KIFAP3: variants seen among roughly 807,000 people sequenced by gnomAD.
KIFAP3 encodes kinesin-associated protein 3.
In KIFAP3, 68 loss-of-function variants were observed where a neutral mutation model predicts 106.5. The ratio of observed to expected loss-of-function variants is 0.64; its 90% CI spans 0.53 to 0.78. The LOEUF (loss-of-function observed/expected upper bound fraction) is 0.78, where lower values mean the gene tolerates loss of function less well. Among genes scored for constraint, KIFAP3 ranks in the 30% least tolerant of loss-of-function variants. The pLI is 0.00. For synonymous variants in KIFAP3, 320 were observed against 311.5 expected (o/e 1.03, Z -0.29); for missense variants, 780 against 941.8 (o/e 0.83, Z 2.25).
intron 16 of KIFAP3, among the ~76,000 whole-genome samples, chr1:169,976,399 G>A (rs1396316836): frequency 6.6e-6 from 1 of 151,580 alleles, no homozygotes; most frequent in African/African-American, 2.4e-5. Context: ...TTAACTCAGT[G>A]TTTCCCAAAC....
chr1:169,985,105 A>C (rs889287408), intron 11 of KIFAP3, among the ~76,000 whole-genome samples: 1 of 151,822 alleles, frequency 6.6e-6, no homozygotes, highest in Admixed American at 6.6e-5. Context: ...CAACAGTTTT[A>C]AGAGATAAGA....
intron 4 of KIFAP3, 144 bp downstream of exon 4, chr1:170,039,089 T>C (rs906021207): frequency 8.7e-6 from 4 of 462,044 alleles, no homozygotes; most frequent in Admixed American, 7.6e-5. Context: ...TAAATAATGA[T>C]TTTCTACCTT....
chr1:170,038,393 A>G lies in KIFAP3; in HGVS notation c.414T>C (p.Tyr138=), dbSNP rs2102061473. 1 of 1,608,046 alleles carries G rather than the reference A, an allele frequency of 6.2e-7. No individual in the cohort carries two copies. Among genetic ancestry groups the G allele is most frequent in the Admixed American group, 1.7e-5 (1 of 58,084 alleles). ...GAATATCTTCATATAATAACTCAAT[A>G]TATTCATCCATGTCATTAATGTTAG... is the stretch of plus-strand genomic sequence containing the variant. ...EVANINDMDE[Y]IELLYEDIPD... is the part of the protein sequence containing the mutation. Residue 138 remains tyrosine, a synonymous_variant, in exon 5 of 20, where the codon TAT becomes TAC. Coordinates refer to ENST00000361580, the MANE Select transcript of KIFAP3 (RefSeq NM_014970.4).
intron 8 of KIFAP3, among the ~76,000 whole-genome samples, chr1:170,025,644 A>C (rs1218596879): frequency 1.3e-5 from 2 of 152,180 alleles, no homozygotes; most frequent in Admixed American, 1.3e-4. Context: ...TATTATAAAA[A>C]TTTTACAGAT....
At chr1:170,041,566 C>T (rs1051765978) in intron 3 of KIFAP3, 14 of 730,238 alleles carry the variant, frequency 1.9e-5, no homozygotes, top group Admixed American at 4.8e-5. Flanking sequence ...GCCTGTGGCT[C>T]GGTGACCTCT....
intron 10 of KIFAP3, among the ~76,000 whole-genome samples, chr1:170,004,254 T>G (rs1667822502): frequency 6.6e-6 from 1 of 152,098 alleles, no homozygotes; most frequent in African/African-American, 2.4e-5. Flanking sequence ...GTAGGAAGAA[T>G]AAATATTGTG....
Position 169,984,574 on chromosome 1 carries a change from G to A in KIFAP3, c.1393+8C>T, listed in dbSNP as rs779617554. The A allele has an allele frequency of 3.1e-5, 46 of 1,471,054 alleles. No homozygotes were observed. In the East Asian group the frequency reaches 4.3e-4, roughly 14 times the overall value. 91.1% of individuals were successfully genotyped at this position (1,471,054 alleles called of 1,614,324 possible). On this transcript the variant is annotated splice_region_variant and intron_variant, in intron 12 of 19. Coordinates refer to ENST00000361580, the MANE Select transcript of KIFAP3 (RefSeq NM_014970.4). ...CTAAAAAAGTTACCTACACTCAAAG[G>A]CACTGACCTTCACAGATAAGCTGTA... is the stretch of plus-strand genomic sequence containing the variant.
At chr1:170,082,278 T>G (rs1425216881) in intron 1 of KIFAP3, among the ~76,000 whole-genome samples, 1 of 152,184 alleles carries the variant, frequency 6.6e-6, no homozygotes, top group African/African-American at 2.4e-5. Context: ...TACTGATATA[T>G]GCAACATAAA....
At chr1:169,989,976 G>A (rs1471199272) in intron 11 of KIFAP3, 2 of 1,394,354 alleles carry the variant, frequency 1.4e-6, no homozygotes, top group Admixed American at 5.6e-5. Flanking sequence ...TAGGAGTCAA[G>A]AGGAATTACC....
At chr1:170,066,177 C>T (rs1412484502) in intron 1 of KIFAP3, among the ~76,000 whole-genome samples, 8 of 434 alleles carry the variant, frequency 0.018, no homozygotes, top group Admixed American at 0.12. Context: ...TTGCCTACAC[C>T]CCCCCCCCCA....
chr1:170,080,388 A>T (rs868416634), intron 1 of KIFAP3, among the ~76,000 whole-genome samples: 4 of 151,566 alleles, frequency 2.6e-5, no homozygotes, highest in Middle Eastern at 3.4e-3. Flanking sequence ...AATACTAGCA[A>T]TTTTTTTTTA....
chr1:170,024,329 AG>A, intron 9 of KIFAP3, 88 bp downstream of exon 9: 1 of 715,520 alleles, frequency 1.4e-6, no homozygotes, highest in South Asian at 2.4e-5. Flanking sequence ...TTATCTCGGT[AG>A]GGGAATAAAG....
rs950782329 is a variant in KIFAP3 at position 169,975,553 on chromosome 1, C to T, written c.1897+2532G>A. ...CATTGTAACATGACAGATTTAAATGCCATTGACATCAACAAAAATTCTGTT... is the reference window on the plus strand; with the variant it reads ...CATTGTAACATGACAGATTTAAATGTCATTGACATCAACAAAAATTCTGTT... On this transcript the variant is annotated intron_variant, in intron 16 of 19. Coordinates refer to ENST00000361580, the MANE Select transcript of KIFAP3 (RefSeq NM_014970.4). Among the ~76,000 whole-genome samples the T allele has an allele frequency of 1.1e-4, 17 of 152,046 alleles. No homozygotes were observed. In the Middle Eastern group the frequency reaches 0.01, roughly 91 times the overall value.
chr1:169,959,937 G>A (rs1240899413), intron 18 of KIFAP3, among the ~76,000 whole-genome samples: 2 of 152,140 alleles, frequency 1.3e-5, no homozygotes, highest in African/African-American at 2.4e-5. Flanking sequence ...CTTAACTACT[G>A]TAAAGTTCAG....
At chr1:169,972,236 C>T (rs913085768) in intron 17 of KIFAP3, among the ~76,000 whole-genome samples, 1 of 151,850 alleles carries the variant, frequency 6.6e-6, no homozygotes, top group Non-Finnish European at 1.5e-5. Context: ...CACTCCTATA[C>T]AATAATTTAT....
intron 10 of KIFAP3, among the ~76,000 whole-genome samples, chr1:170,008,508 CAT>C (rs1448953353): frequency 1.3e-5 from 2 of 151,768 alleles, no homozygotes; most frequent in Non-Finnish European, 2.9e-5. Flanking sequence ...AGCCAACAAA[CAT>C]ATGAAAAAAA....
chr1:169,965,370 T>A (rs1375460606), intron 17 of KIFAP3, among the ~76,000 whole-genome samples: 1 of 58,186 alleles, frequency 1.7e-5, no homozygotes, highest in Non-Finnish European at 3.1e-5. Flanking sequence ...TCAAGCATAT[T>A]CATTCCTGGT....
At position 170,025,903 on chromosome 1, in the gene KIFAP3, A is replaced by G. The variant is rs867100382; in HGVS notation, c.842-1307T>C. On this transcript the variant is annotated intron_variant, in intron 8 of 19. Coordinates refer to ENST00000361580, the MANE Select transcript of KIFAP3 (RefSeq NM_014970.4). ...TACTGTCCTTCTAAAATTTATGTTC[A>G]CCCAGAACCTCAGGATGTGCCTTAT... is the stretch of plus-strand genomic sequence containing the variant. Among the ~76,000 whole-genome samples, 10 of 152,284 alleles carry G rather than the reference A, an allele frequency of 6.6e-5. No individual in the cohort carries two copies. The Middle Eastern group carries it at 0.01, about 155-fold the overall frequency.
At position 170,068,577 on chromosome 1, in the gene KIFAP3, T is replaced by C. The variant is rs565690770; in HGVS notation, c.32+5859A>G. Reference sequence around the variant, plus strand: ...AAATAAACAGAACCTAAGAGACTTATGGAACACCATCTAGTATACCAACAT... The same window carrying C: ...AAATAAACAGAACCTAAGAGACTTACGGAACACCATCTAGTATACCAACAT... On this transcript the variant is annotated intron_variant, in intron 1 of 19. Coordinates refer to ENST00000361580, the MANE Select transcript of KIFAP3 (RefSeq NM_014970.4). 4 of 151,122 alleles carry C rather than the reference T, an allele frequency of 2.6e-5. No individual in the cohort carries two copies. In the East Asian group the frequency reaches 7.7e-4, roughly 29 times the overall value. The allele number at this position is 151,122 out of a possible 1,614,324, so 9.4% of individuals were successfully genotyped here. A position where few individuals can be genotyped will look rare whatever the true frequency, so the allele number is the denominator to read the frequency against.
Sources: allele counts gnomAD v4.1 joint callset (sites outside exome capture counted in the v4.1 genomes callset), GRCh38; gene constraint gnomAD v4.1.1; transcripts MANE v1.5; gene names NCBI Gene and HGNC (gene_info 2026-07-23, HGNC 2026-07-21).